Variants in TMPRSS11D observed in about 807,000 individuals in gnomAD.
The protein encoded by TMPRSS11D is transmembrane serine protease 11D, also known as transmembrane protease serine 11D.
TMPRSS11D carries 32 observed loss-of-function variants against 44.4 expected under a neutral mutation model. The ratio of observed to expected loss-of-function variants is 0.72; its 90% CI spans 0.54 to 0.97. The LOEUF is 0.97. Among genes scored for constraint, TMPRSS11D ranks in the 50% least tolerant of loss-of-function variants. TMPRSS11D has a pLI of 0.00. For missense variants in TMPRSS11D, 446 were observed against 502.6 expected, an observed-to-expected ratio of 0.89 and a Z score of 1.08; for synonymous variants, 179 against 177.9, an observed-to-expected ratio of 1.01 and a Z score of -0.05.
At chr4:67,844,282 T>A (rs769264195) in intron 3 of TMPRSS11D, among the ~76,000 whole-genome samples, 53 of 152,206 alleles carry the variant, frequency 3.5e-4, no homozygotes, top group Non-Finnish European at 6.3e-4. Context: ...TACCACAATA[T>A]ATCTTACTTT....
intron 4 of TMPRSS11D, among the ~76,000 whole-genome samples, chr4:67,842,199 C>T (rs1207318027): frequency 1.3e-5 from 2 of 152,104 alleles, no homozygotes; most frequent in Non-Finnish European, 2.9e-5. Context: ...GATGGATACA[C>T]CCAAACCACA....
At chr4:67,854,390 A>G (rs1436238951) in intron 2 of TMPRSS11D, among the ~76,000 whole-genome samples, 2 of 152,190 alleles carry the variant, frequency 1.3e-5, no homozygotes, top group Non-Finnish European at 2.9e-5. Context: ...AGTGGTGTAG[A>G]TGTTTAAAAA....
At chr4:67,849,140 T>C (rs1718432751) in intron 3 of TMPRSS11D, among the ~76,000 whole-genome samples, 1 of 152,178 alleles carries the variant, frequency 6.6e-6, no homozygotes, top group African/African-American at 2.4e-5. Flanking sequence ...TTTGGAATGA[T>C]AGTAGAATTT....
At chr4:67,826,134 A>G in intron 8 of TMPRSS11D, among the ~76,000 whole-genome samples, 1 of 152,010 alleles carries the variant, frequency 6.6e-6, no homozygotes, top group African/African-American at 2.4e-5. Flanking sequence ...TAAGAAAACA[A>G]ATATCTTAAA....
rs537384324 is a variant in TMPRSS11D, at chr4:67,872,382, A to G, written c.8+11544T>C. Among the ~76,000 whole-genome samples, 4 of 152,208 alleles carry G rather than the reference A, an allele frequency of 2.6e-5. No individual in the cohort carries two copies. The South Asian group carries it at 8.3e-4, about 32-fold the overall frequency. On this transcript the variant is annotated intron_variant, in intron 1 of 9. Transcript: ENST00000283916. ...TTGGCACAAAATAATTTTGCTGGCTACCGTAAATTATAAAAAAATACTCAT... is the reference window on the plus strand; with the variant it reads ...TTGGCACAAAATAATTTTGCTGGCTGCCGTAAATTATAAAAAAATACTCAT...
intron 9 of TMPRSS11D, among the ~76,000 whole-genome samples, chr4:67,825,477 T>A (rs1361622157): frequency 6.6e-6 from 1 of 152,088 alleles, no homozygotes; most frequent in African/African-American, 2.4e-5. Flanking sequence ...GTTAAGGAAT[T>A]CAAATCGAGG....
At chr4:67,863,328 CAAAAAAAAAAAAA>C (rs561420216) in intron 1 of TMPRSS11D, among the ~76,000 whole-genome samples, 2 of 89,198 alleles carry the variant, frequency 2.2e-5, no homozygotes, top group African/African-American at 3.3e-5. Context: ...TGGTCTTGCT[CAAAAAAAAAAAAA>C]AAAAAGAAAA....
intron 3 of TMPRSS11D, among the ~76,000 whole-genome samples, chr4:67,851,505 C>T (rs757290184): frequency 1.2e-4 from 18 of 152,134 alleles, no homozygotes; most frequent in Admixed American, 3.9e-4. Context: ...CTGAGGGAGG[C>T]GCACCTCCTA....
At chr4:67,828,326 T>C (rs1011384943) in intron 7 of TMPRSS11D, among the ~76,000 whole-genome samples, 3 of 152,110 alleles carry the variant, frequency 2.0e-5, no homozygotes, top group African/African-American at 7.2e-5. Flanking sequence ...AAATTATTTA[T>C]GCCTTACAAA....
At chr4:67,824,157 T>C (rs1717726378) in intron 9 of TMPRSS11D, among the ~76,000 whole-genome samples, 1 of 140,214 alleles carries the variant, frequency 7.1e-6, no homozygotes, top group Non-Finnish European at 1.6e-5. Context: ...TTTTTTTAAG[T>C]GTGAACTATG....
At chr4:67,829,600 C>T (rs1717895310) in intron 7 of TMPRSS11D, among the ~76,000 whole-genome samples, 1 of 151,708 alleles carries the variant, frequency 6.6e-6, no homozygotes, top group Non-Finnish European at 1.5e-5. Context: ...GATGAGGAAC[C>T]ATGGGAAAAT....
chr4:67,856,295 C>A (rs1003963244), intron 2 of TMPRSS11D, among the ~76,000 whole-genome samples: 1 of 152,074 alleles, frequency 6.6e-6, no homozygotes, highest in Admixed American at 6.6e-5. Context: ...ACACATAGAC[C>A]AATGAAATAG....
chr4:67,830,857 C>T (rs1560537472), intron 7 of TMPRSS11D, among the ~76,000 whole-genome samples: 3 of 152,026 alleles, frequency 2.0e-5, no homozygotes, highest in Admixed American at 1.3e-4. Flanking sequence ...ATTAATAGCT[C>T]TGGGGTTTAT....
intron 2 of TMPRSS11D, among the ~76,000 whole-genome samples, chr4:67,858,285 G>A (rs1718705505): frequency 6.6e-6 from 1 of 152,166 alleles, no homozygotes; most frequent in African/African-American, 2.4e-5. Flanking sequence ...GGGGCCATAA[G>A]TGATCACTGG....
At chr4:67,833,845 T>C (rs949180213) in intron 6 of TMPRSS11D, among the ~76,000 whole-genome samples, 6 of 152,158 alleles carry the variant, frequency 3.9e-5, no homozygotes, top group Non-Finnish European at 8.8e-5. Flanking sequence ...AAGCTACATT[T>C]TGATGTGAGG....
chr4:67,870,186 A>G (rs1203182435), intron 1 of TMPRSS11D, among the ~76,000 whole-genome samples: 1 of 152,220 alleles, frequency 6.6e-6, no homozygotes, highest in African/African-American at 2.4e-5. Context: ...CAGGATAACC[A>G]TGGGTATTTA....
chr4:67,872,974 T>G (rs1719099261), intron 1 of TMPRSS11D, among the ~76,000 whole-genome samples: 1 of 152,198 alleles, frequency 6.6e-6, no homozygotes, highest in South Asian at 2.1e-4. Flanking sequence ...CTGGGTGGAA[T>G]TACAAGTAGT....
chr4:67,836,984 T>C (rs1332265684), intron 5 of TMPRSS11D, among the ~76,000 whole-genome samples: 4 of 152,158 alleles, frequency 2.6e-5, no homozygotes, highest in Admixed American at 1.3e-4. Flanking sequence ...AGCACGCTGG[T>C]CTCTTTCTTC....
chr4:67,846,776 T>C (rs957601883), intron 3 of TMPRSS11D, among the ~76,000 whole-genome samples: 48 of 82,062 alleles, frequency 5.8e-4, no homozygotes, highest in African/African-American at 1.3e-3. Context: ...GTCAGAGAAC[T>C]TTTACAGATA....
Sources: gnomAD v4.1 joint callset for allele counts (sites outside exome capture counted in the v4.1 genomes callset) on GRCh38, gnomAD v4.1.1 for gene constraint, MANE v1.5 for transcripts, NCBI Gene and HGNC (gene_info 2026-07-23, HGNC 2026-07-21) for gene names.